Variants in ZNF846 observed in about 807,000 individuals in gnomAD.
ZNF846 encodes the protein zinc finger protein 846.
ZNF846 carries 15 observed loss-of-function variants against 16.0 expected under a neutral mutation model. The observed-to-expected ratio is 0.94, with a 90% confidence interval of 0.63 to 1.45. ZNF846 has a LOEUF of 1.45. Among genes scored for constraint, ZNF846 ranks in the 40% most tolerant of loss-of-function variants. ZNF846 has a pLI of 0.00. For synonymous variants in ZNF846, 229 were observed against 212.0 expected, an observed-to-expected ratio of 1.08 and a Z score of -0.70; for missense variants, 714 against 622.3, an observed-to-expected ratio of 1.15 and a Z score of -1.57.
chr19:9,757,332 T>TC (rs2045147269), downstream of ZNF846: 1 of 663,320 alleles, frequency 1.5e-6, no homozygotes, highest in African/African-American at 1.9e-5. Flanking sequence ...CTATTCCTTA[T>TC]ATCACTGGGA....
chr19:9,774,921 A>T, intron 1 of ZNF846: 1 of 1,609,464 alleles, frequency 6.2e-7, no homozygotes, highest in South Asian at 1.1e-5. Context: ...AATGCTGAAG[A>T]GTTTACAAAG....
intron 4 of ZNF846, 59 bp downstream of exon 4, chr19:9,762,023 T>C: frequency 1.4e-6 from 2 of 1,404,786 alleles, no homozygotes; most frequent in East Asian, 2.3e-5. Context: ...TCCAATGTAC[T>C]GCATGTCTCC....
In ZNF846 at chr19:9,774,564, G is replaced by A. The variant is rs1025589894; in HGVS notation, c.-85-9529C>T. The A allele has an allele frequency of 6.8e-5, 102 of 1,497,194 alleles. 1 individual carries two copies. In the Admixed American group the frequency reaches 1.3e-3, roughly 19 times the overall value. 92.7% of individuals were successfully genotyped at this position (1,497,194 alleles called of 1,614,324 possible). A position where few individuals can be genotyped will look rare whatever the true frequency, so the allele number is the denominator to read the frequency against. ...GCAAATGTGGGATGAAAAACTTCCCGTAACATCCAGGTTGATGAAGCTAAT... is the reference window on the plus strand; with the variant it reads ...GCAAATGTGGGATGAAAAACTTCCCATAACATCCAGGTTGATGAAGCTAAT... On this transcript the variant is annotated intron_variant, in intron 1 of 4. Transcript: ENST00000586814.
At chr19:9,768,255 C>G (rs891103121) in intron 1 of ZNF846, 34 bp downstream of exon 1, 5 of 152,254 alleles carry the variant, frequency 3.3e-5, no homozygotes, top group Admixed American at 1.3e-4. Flanking sequence ...GATGCCCTCC[C>G]ACAGCCAGAT....
intron 1 of ZNF846, among the ~76,000 whole-genome samples, chr19:9,781,809 G>A (rs376022193): frequency 6.9e-5 from 10 of 144,492 alleles, no homozygotes; most frequent in African/African-American, 2.3e-4. Context: ...ATGGAGTGTC[G>A]CTCTTGTTGC....
intron 1 of ZNF846, among the ~76,000 whole-genome samples, chr19:9,784,807 C>T (rs527742441): frequency 6.6e-6 from 1 of 152,274 alleles, no homozygotes; most frequent in African/African-American, 2.4e-5. Flanking sequence ...ACCAAGCATA[C>T]TGCCTGCAAA....
At chr19:9,770,621 A>G (rs1479863446), upstream of ZNF846, among the ~76,000 whole-genome samples, 1 of 151,940 alleles carries the variant, frequency 6.6e-6, no homozygotes, top group Admixed American at 6.6e-5. Flanking sequence ...TAATCCCAGC[A>G]TTTTGGGAGG....
intron 2 of ZNF846, among the ~76,000 whole-genome samples, chr19:9,764,530 G>A (rs1178660269): frequency 6.6e-6 from 1 of 151,958 alleles, no homozygotes; most frequent in African/African-American, 2.4e-5. Context: ...ATAATCAAAT[G>A]ACCCTAAATC....
chr19:9,775,348 C>G (rs903463582), intron 1 of ZNF846, among the ~76,000 whole-genome samples: 9 of 151,976 alleles, frequency 5.9e-5, no homozygotes, highest in African/African-American at 2.2e-4. Flanking sequence ...TGACAATGCC[C>G]TACAGATATT....
At chr19:9,766,998 T>A (rs2045326701) in intron 1 of ZNF846, among the ~76,000 whole-genome samples, 2 of 115,182 alleles carry the variant, frequency 1.7e-5, no homozygotes, top group South Asian at 4.8e-4. Flanking sequence ...ATTTATTTAT[T>A]TTTTTTTTTG....
chr19:9,757,659 G>C, exon 6 of ZNF846: 1 of 1,613,138 alleles, frequency 6.2e-7, no homozygotes, highest in Non-Finnish European at 8.5e-7. Flanking sequence ...CTTTTCTCCT[G>C]TGTGCGTTCG....
downstream of ZNF846, among the ~76,000 whole-genome samples, chr19:9,754,031 CA>C (rs2145166047): frequency 6.6e-6 from 1 of 151,480 alleles, no homozygotes; most frequent in South Asian, 2.1e-4. Flanking sequence ...TTAATTTTGC[CA>C]ATATTTACTT....
At chr19:9,767,921 G>A (rs149411476) in intron 1 of ZNF846, among the ~76,000 whole-genome samples, 4,033 of 152,136 alleles carry the variant, frequency 0.027, 167 homozygotes, top group African/African-American at 0.092. Context: ...CAATAAGAGC[G>A]AAACTCCGTC....
downstream of ZNF846, chr19:9,756,300 CGTGT>C (rs1292761646): frequency 7.1e-5 from 9 of 127,312 alleles, 1 homozygote; most frequent in Non-Finnish European, 9.7e-5. Flanking sequence ...ATAATACATA[CGTGT>C]GTGTATGTGT....
intron 1 of ZNF846, chr19:9,775,035 ACT>A (rs1218721845): frequency 2.5e-5 from 34 of 1,357,922 alleles, no homozygotes; most frequent in South Asian, 1.2e-4. Context: ...GCAAAGCAGG[ACT>A]CTGTGGAAAT....
chr19:9,750,612 GGAAC>G (rs758482078), downstream of ZNF846, among the ~76,000 whole-genome samples: 60 of 152,200 alleles, frequency 3.9e-4, 1 homozygote, highest in South Asian at 3.1e-3. Flanking sequence ...TTTGCAAATG[GGAAC>G]GAACAACTGC....
intron 1 of ZNF846, among the ~76,000 whole-genome samples, chr19:9,766,983 C>G (rs1361854201): frequency 6.7e-6 from 1 of 148,568 alleles, no homozygotes; most frequent in Non-Finnish European, 1.5e-5. Context: ...TTTAGTTATG[C>G]TTTTATTTAT....
upstream of ZNF846, among the ~76,000 whole-genome samples, chr19:9,769,972 C>T (rs1244709832): frequency 6.9e-6 from 1 of 145,836 alleles, no homozygotes; most frequent in Non-Finnish European, 1.5e-5. Context: ...CAGAGTGAGA[C>T]TCCGTCTCAA....
chr19:9,774,218 C>T (rs2045413833), intron 1 of ZNF846, among the ~76,000 whole-genome samples: 1 of 152,134 alleles, frequency 6.6e-6, no homozygotes, highest in Non-Finnish European at 1.5e-5. Context: ...CCTGTAATCC[C>T]AGCACTTTGG....
Sources: allele counts gnomAD v4.1 joint callset (sites outside exome capture counted in the v4.1 genomes callset), GRCh38; gene constraint gnomAD v4.1.1; transcripts MANE v1.5; gene names NCBI Gene and HGNC (gene_info 2026-07-23, HGNC 2026-07-21).